The following ACYP2 variants were observed in gnomAD, a reference collection of about 807,000 sequenced individuals.
The protein encoded by ACYP2 is acylphosphatase 2, also known as acylphosphatase-2.
In ACYP2, 12 loss-of-function variants were observed where a neutral mutation model predicts 11.2. That is an observed-to-expected ratio of 1.08 (90% CI 0.69 to 1.74). The LOEUF is 1.74. Ranked by LOEUF, ACYP2 falls within the 40% of genes most tolerant of loss-of-function variation. ACYP2 has a pLI of 0.00. For missense variants in ACYP2, 134 were observed against 101.9 expected, an observed-to-expected ratio of 1.31 and a Z score of -1.35; for synonymous variants, 43 against 32.2, an observed-to-expected ratio of 1.33 and a Z score of -1.13.
chr2:54,015,583 A>G (rs1410039537), intron 2 of ACYP2, among the ~76,000 whole-genome samples: 1 of 150,676 alleles, frequency 6.6e-6, no homozygotes, highest in Non-Finnish European at 1.5e-5. Flanking sequence ...GGGGAGGTGG[A>G]GGATTCAGCG....
chr2:54,172,036 A>G (rs1683240966), intron 6 of ACYP2, among the ~76,000 whole-genome samples: 1 of 152,076 alleles, frequency 6.6e-6, no homozygotes, highest in Admixed American at 6.6e-5. Context: ...CAACATAGGG[A>G]TACCCCATCT....
chr2:54,028,308 G>T (rs1203145182), intron 2 of ACYP2, among the ~76,000 whole-genome samples: 1 of 152,114 alleles, frequency 6.6e-6, no homozygotes, highest in Non-Finnish European at 1.5e-5. Flanking sequence ...CTGGGTTTAT[G>T]GGTTAAGGGG....
intron 2 of ACYP2, among the ~76,000 whole-genome samples, chr2:54,010,384 C>T (rs1298281929): frequency 2.6e-5 from 4 of 151,434 alleles, no homozygotes; most frequent in African/African-American, 7.3e-5. Flanking sequence ...CTCGGGAGGC[C>T]GAGATAGGAG....
intron 6 of ACYP2, among the ~76,000 whole-genome samples, chr2:54,258,711 A>T (rs1260887873): frequency 1.3e-5 from 2 of 152,154 alleles, no homozygotes; most frequent in Admixed American, 1.3e-4. Context: ...ATGGAGGTGG[A>T]TGGTGGACAT....
intron 6 of ACYP2, among the ~76,000 whole-genome samples, chr2:54,203,788 C>G (rs1277821508): frequency 6.8e-6 from 1 of 147,714 alleles, no homozygotes; most frequent in Non-Finnish European, 1.5e-5. Context: ...AACTGGAATA[C>G]TCTTCTAATA....
At chr2:54,290,819 G>A (rs843731) in intron 6 of ACYP2, among the ~76,000 whole-genome samples, 49,862 of 152,078 alleles carry the variant, frequency 0.33, 8,984 homozygotes, top group Admixed American at 0.47. Flanking sequence ...ATAACTGGAA[G>A]AGAGAACATC....
At chr2:54,279,163 G>A (rs1452063508) in intron 6 of ACYP2, among the ~76,000 whole-genome samples, 1 of 152,188 alleles carries the variant, frequency 6.6e-6, no homozygotes, top group East Asian at 1.9e-4. Flanking sequence ...CTATGGAATG[G>A]CAGATCTGAA....
chr2:54,275,517 A>C (rs545095662), intron 6 of ACYP2, among the ~76,000 whole-genome samples: 4 of 152,328 alleles, frequency 2.6e-5, no homozygotes, highest in Non-Finnish European at 2.9e-5. Context: ...GAGAGAAAAC[A>C]TTTCTTTAGA....
intron 4 of ACYP2, among the ~76,000 whole-genome samples, chr2:54,127,707 C>T (rs1680621773): frequency 6.9e-6 from 1 of 145,754 alleles, no homozygotes; most frequent in Non-Finnish European, 1.5e-5. Flanking sequence ...GAGATCACAC[C>T]ATGCCACTCC....
chr2:54,005,507 T>C (rs1673019024), intron 2 of ACYP2, among the ~76,000 whole-genome samples: 1 of 152,058 alleles, frequency 6.6e-6, no homozygotes, highest in South Asian at 2.1e-4. Flanking sequence ...ACCTGGCTAA[T>C]TTTTGTATTT....
chr2:54,003,909 A>G (rs191154540), intron 2 of ACYP2, among the ~76,000 whole-genome samples: 1 of 152,050 alleles, frequency 6.6e-6, no homozygotes, highest in East Asian at 1.9e-4. Flanking sequence ...ATTGTTGTCA[A>G]TGTTTAGGGT....
intron 6 of ACYP2, among the ~76,000 whole-genome samples, chr2:54,237,603 A>T (rs1232290133): frequency 6.6e-6 from 1 of 152,036 alleles, no homozygotes; most frequent in Non-Finnish European, 1.5e-5. Context: ...GCTTCTCTTG[A>T]TTCTTTCAAG....
At chr2:53,993,753 A>G (rs139369011) in intron 2 of ACYP2, among the ~76,000 whole-genome samples, 1 of 152,214 alleles carries the variant, frequency 6.6e-6, no homozygotes, top group African/African-American at 2.4e-5. Context: ...GGTAGTCTCT[A>G]TTTTCCCGGA....
chr2:54,270,882 G>A (rs774232566), intron 6 of ACYP2, among the ~76,000 whole-genome samples: 1 of 151,670 alleles, frequency 6.6e-6, no homozygotes, highest in Non-Finnish European at 1.5e-5. Flanking sequence ...GGTGAACATT[G>A]TTTTTCTGTA....
At chr2:54,054,714 A>G (rs17268200) in intron 3 of ACYP2, among the ~76,000 whole-genome samples, 13,898 of 152,288 alleles carry the variant, frequency 0.091, 831 homozygotes, top group South Asian at 0.19. Context: ...AAGATGCATT[A>G]CCAAGGTGAG....
At chr2:54,092,911 G>C (rs1353726624) in intron 4 of ACYP2, among the ~76,000 whole-genome samples, 3 of 152,202 alleles carry the variant, frequency 2.0e-5, no homozygotes, top group African/African-American at 7.2e-5. Flanking sequence ...CAGCCAAAGA[G>C]AGTTGGCTTT....
At position 54,008,814 on chromosome 2, in the gene ACYP2, C is replaced by T. The variant is rs145216472; in HGVS notation, c.62+35004C>T. Among the ~76,000 whole-genome samples, 154 of 152,158 alleles carry T rather than the reference C, an allele frequency of 1.0e-3. 1 individual carries two copies. Among genetic ancestry groups the T allele is most frequent in the African/African-American group, 3.5e-3 (145 of 41,532 alleles). Reference sequence around the variant, plus strand: ...GAAGCATTCTCTGCTAGCAAGGTAGCCTCTGTCTTCTCAGTGAAGTAGGAG... The same window carrying T: ...GAAGCATTCTCTGCTAGCAAGGTAGTCTCTGTCTTCTCAGTGAAGTAGGAG... On this transcript the variant is annotated intron_variant, in intron 2 of 6. Transcript: ENST00000607452.
intron 6 of ACYP2, among the ~76,000 whole-genome samples, chr2:54,233,639 T>A (rs939865050): frequency 6.6e-6 from 1 of 152,096 alleles, no homozygotes; most frequent in Admixed American, 6.6e-5. Context: ...GTAATCCCTG[T>A]CTCCAGCCCC....
chr2:54,130,880 T>C (rs1680862135), intron 4 of ACYP2, among the ~76,000 whole-genome samples: 1 of 152,210 alleles, frequency 6.6e-6, no homozygotes, highest in Non-Finnish European at 1.5e-5. Context: ...AAGTCTCAGC[T>C]CTAAGACCTG....
Sources: allele counts gnomAD v4.1 joint callset (sites outside exome capture counted in the v4.1 genomes callset), GRCh38; gene constraint gnomAD v4.1.1; transcripts MANE v1.5; gene names NCBI Gene and HGNC (gene_info 2026-07-23, HGNC 2026-07-21).